The following WDR41 variants were observed in gnomAD, a reference collection of about 807,000 sequenced individuals.
WDR41 encodes WD repeat-containing protein 41.
A neutral mutation model predicts 69.3 loss-of-function variants in WDR41; 63 were observed. That is an observed-to-expected ratio of 0.91 (90% CI 0.74 to 1.12). The LOEUF (loss-of-function observed/expected upper bound fraction) is 1.12, where lower values mean the gene tolerates loss of function less well. Among genes scored for constraint, WDR41 ranks in the 50% most tolerant of loss-of-function variants. WDR41 has a pLI of 0.00. For missense variants in WDR41, 543 were observed against 534.5 expected (o/e 1.02, Z -0.16); for synonymous variants, 185 against 192.1 (o/e 0.96, Z 0.31).
intron 1 of WDR41, among the ~76,000 whole-genome samples, chr5:77,545,151 T>C (rs990519761): frequency 6.6e-6 from 1 of 152,026 alleles, no homozygotes; most frequent in African/African-American, 2.4e-5. Context: ...TCAAAACCTC[T>C]GGGACACAGC....
chr5:77,619,680 G>C (rs1431989631), intron 1 of WDR41, among the ~76,000 whole-genome samples: 1 of 152,182 alleles, frequency 6.6e-6, no homozygotes, highest in Non-Finnish European at 1.5e-5. Context: ...ATATTACACA[G>C]TAAGAATGAA....
chr5:77,468,531 A>T (rs1306469743), intron 2 of WDR41, among the ~76,000 whole-genome samples: 1 of 152,220 alleles, frequency 6.6e-6, no homozygotes, highest in Non-Finnish European at 1.5e-5. Flanking sequence ...TTTTCACAAT[A>T]ATTCTTATGT....
chr5:77,558,094 T>TTTAAAAA (rs1554036365), intron 1 of WDR41, among the ~76,000 whole-genome samples: 16 of 104,278 alleles, frequency 1.5e-4, no homozygotes, highest in Middle Eastern at 5.3e-3. Flanking sequence ...ATGTTCTTTT[T>TTTAAAAA]AAAAAAAAAA....
At chr5:77,579,533 T>TA (rs150843611) in intron 1 of WDR41, among the ~76,000 whole-genome samples, 5,086 of 151,864 alleles carry the variant, frequency 0.033, 262 homozygotes, top group African/African-American at 0.11. Context: ...TTCAAAGTGC[T>TA]AAAAAAAACC....
rs1022518264 is a variant in WDR41, at chr5:77,431,448, C to T, written c.*1687G>A. On this transcript the variant is annotated 3_prime_UTR_variant, in exon 13 of 13. Transcript: ENST00000296679. ...AGTATAAACACAAGTTTTATAGGCA[C>T]TGGGAAACCAAAAACTAGATGTGAC... 6.6e-6 allele frequency: 1 copy of T among 152,142 alleles called. No homozygotes were observed. The highest frequency in any genetic ancestry group is 1.5e-5 in the Non-Finnish European group (1 of 68,014). 9.4% of individuals were successfully genotyped at this position (152,142 alleles called of 1,614,324 possible). A position where few individuals can be genotyped will look rare whatever the true frequency, so the allele number is the denominator to read the frequency against.
chr5:77,517,629 A>AAAATATATATATATATATATAT, intron 1 of WDR41, among the ~76,000 whole-genome samples: 1 of 43,434 alleles, frequency 2.3e-5, no homozygotes, highest in African/African-American at 1.0e-4. Context: ...ATATTTATTG[A>AAAATATATATATATATATATAT]ACATATATAT....
intron 1 of WDR41, among the ~76,000 whole-genome samples, chr5:77,505,762 A>T (rs1802094889): frequency 6.6e-6 from 1 of 152,256 alleles, no homozygotes; most frequent in Non-Finnish European, 1.5e-5. Context: ...TCTTTGACAA[A>T]TCTGACAAAA....
intron 1 of WDR41, among the ~76,000 whole-genome samples, chr5:77,518,973 C>G (rs1374862998): frequency 6.6e-6 from 1 of 151,998 alleles, no homozygotes; most frequent in East Asian, 1.9e-4. Context: ...AAAGCAAGAA[C>G]ACTACATTTA....
chr5:77,442,888 T>A (rs1799223435), intron 8 of WDR41, among the ~76,000 whole-genome samples: 1 of 21,844 alleles, frequency 4.6e-5, no homozygotes, highest in African/African-American at 9.5e-4. Flanking sequence ...CGAGACTCTG[T>A]CTCCCCAAAA....
At position 77,503,389 on chromosome 5, in the gene WDR41, A is replaced by C. The variant is rs151029023; in HGVS notation, c.43-13817T>G. 7.9e-3 allele frequency among the ~76,000 whole-genome samples: 1,207 copies of C among 152,234 alleles called. 18 individuals are homozygous for C. Among genetic ancestry groups the C allele is most frequent in the African/African-American group, 0.028 (1,149 of 41,514 alleles). Reference sequence around the variant, plus strand: ...AGATTCATAAAGCAAGTCCTGAGTGACCTACAAAGAGACTTAGACTCCCAC... The same window carrying C: ...AGATTCATAAAGCAAGTCCTGAGTGCCCTACAAAGAGACTTAGACTCCCAC... On this transcript the variant is annotated intron_variant, in intron 1 of 5. Transcript: ENST00000509971.
chr5:77,440,935 T>C lies in WDR41; in HGVS notation c.760A>G (p.Thr254Ala), dbSNP rs1464201035. ...ELIIWDALDW[T>A]MQAYERNFWD... ...AAGTTGCGTTCATAGGCCTGCATGGTCCAGTCCAGGGCATCCCAGATGATC... is the reference window on the plus strand; with the variant it reads ...AAGTTGCGTTCATAGGCCTGCATGGCCCAGTCCAGGGCATCCCAGATGATC... Residue 254 changes from threonine (T) to alanine (A), a missense_variant, in exon 9 of 13, where the codon ACC becomes GCC. By Grantham distance (58) the Thr-to-Ala change is moderately conservative. Coordinates refer to ENST00000296679, the MANE Select transcript of WDR41 (RefSeq NM_018268.4). 3 of 1,614,168 alleles carry C rather than the reference T, an allele frequency of 1.9e-6. No individual in the cohort carries two copies. Among genetic ancestry groups the C allele is most frequent in the Admixed American group, 1.7e-5 (1 of 60,022 alleles).
chr5:77,466,524 T>C (rs17683731), intron 2 of WDR41, among the ~76,000 whole-genome samples: 50,159 of 151,620 alleles, frequency 0.33, 8,378 homozygotes, highest in East Asian at 0.35. Flanking sequence ...AATACATACT[T>C]TTTTTCTAAC....
At chr5:77,592,065 T>G (rs1317796621) in intron 1 of WDR41, among the ~76,000 whole-genome samples, 1 of 152,140 alleles carries the variant, frequency 6.6e-6, no homozygotes, top group Non-Finnish European at 1.5e-5. Context: ...ATATGCAAAT[T>G]TAGAACTATG....
chr5:77,532,295 CA>C (rs758547528), intron 1 of WDR41, among the ~76,000 whole-genome samples: 10 of 151,950 alleles, frequency 6.6e-5, no homozygotes, highest in Admixed American at 1.3e-4. Flanking sequence ...GAAAAATGGA[CA>C]ATAACAAGTA....
At chr5:77,463,613 GAAAAT>G (rs1800165752) in intron 3 of WDR41, among the ~76,000 whole-genome samples, 1 of 152,114 alleles carries the variant, frequency 6.6e-6, no homozygotes, top group South Asian at 2.1e-4. Flanking sequence ...GGTCATAGAA[GAAAAT>G]AAAAGTCACC....
rs969405973 is a variant in WDR41, at chr5:77,445,749, A to T, written c.697+4011T>A. On this transcript the variant is annotated intron_variant, in intron 8 of 12. Transcript: ENST00000296679. Reference sequence around the variant, plus strand: ...TCCTTTCATATTAAAAATTCTCAATAAACTAGGTATTGATAGAACATATCT... The same window carrying T: ...TCCTTTCATATTAAAAATTCTCAATTAACTAGGTATTGATAGAACATATCT... Among the ~76,000 whole-genome samples the T allele has an allele frequency of 2.6e-5, 4 of 152,356 alleles. No homozygotes were observed. In the East Asian group the frequency reaches 7.7e-4, roughly 29 times the overall value.
chr5:77,510,949 T>G (rs1802188502), intron 1 of WDR41, among the ~76,000 whole-genome samples: 1 of 151,830 alleles, frequency 6.6e-6, no homozygotes, highest in Admixed American at 6.6e-5. Flanking sequence ...TTTTTATTAG[T>G]AGAGACAGTT....
intron 1 of WDR41, among the ~76,000 whole-genome samples, chr5:77,561,482 G>A (rs974895093): frequency 3.3e-5 from 5 of 151,766 alleles, no homozygotes; most frequent in African/African-American, 1.2e-4. Context: ...AAGTAAAAAG[G>A]GAATTGCATC....
chr5:77,527,668 A>G (rs781411137), intron 1 of WDR41, among the ~76,000 whole-genome samples: 1 of 151,888 alleles, frequency 6.6e-6, no homozygotes, highest in Non-Finnish European at 1.5e-5. Flanking sequence ...TAAAAATTTC[A>G]TTTTCAAAAA....
Sources: allele counts gnomAD v4.1 joint callset (sites outside exome capture counted in the v4.1 genomes callset), GRCh38; gene constraint gnomAD v4.1.1; transcripts MANE v1.5; gene names NCBI Gene and HGNC (gene_info 2026-07-23, HGNC 2026-07-21).